The following P2RX1 variants were observed in gnomAD, a reference collection of about 807,000 sequenced individuals.
P2RX1 encodes the protein purinergic receptor P2X 1, also known as P2X purinoceptor 1.
In P2RX1, 42 loss-of-function variants were observed where a neutral mutation model predicts 50.3. The observed-to-expected ratio is 0.83, with a 90% CI of 0.65 to 1.08. The LOEUF is 1.08. P2RX1 is among the 50% of genes least tolerant of loss of function. P2RX1 has a pLI of 0.00. For synonymous variants in P2RX1, 199 were observed against 202.6 expected (o/e 0.98, Z 0.15); for missense variants, 449 against 529.0 (o/e 0.85, Z 1.48).
In P2RX1 at chr17:3,905,718, G is replaced by A. The variant is rs187547410; in HGVS notation, c.138-351C>T. ...AAAAATTAGCTTGGCATGGTGGTGG[G>A]TGCCTGTAATCCCAGCTACCTGGGA... On this transcript the variant is annotated intron_variant, in intron 1 of 11. Transcript: ENST00000225538. Among the ~76,000 whole-genome samples, 15 of 152,108 alleles carry A rather than the reference G, an allele frequency of 9.9e-5. 1 individual carries two copies. Among genetic ancestry groups the A allele is most frequent in the African/African-American group, 3.6e-4 (15 of 41,504 alleles).
intron 7 of P2RX1, among the ~76,000 whole-genome samples, chr17:3,902,642 C>T (rs941312472): frequency 6.7e-6 from 1 of 150,110 alleles, no homozygotes; most frequent in African/African-American, 2.5e-5. Flanking sequence ...GAATCTTGCT[C>T]CATTGCCCAG....
In P2RX1 at chr17:3,898,020, C is replaced by G. The variant is rs374004316; in HGVS notation, c.1123G>C (p.Gly375Arg). 5.3e-5 allele frequency: 85 copies of G among 1,613,636 alleles called. No homozygotes were observed. Among genetic ancestry groups the G allele is most frequent in the Non-Finnish European group, 6.8e-5 (80 of 1,179,868 alleles). ...QKKFKYAEDM[G>R]PGAAERDLAA... ...GGGGGTTCTCTTACCGCCCCTGGCC[C>G]CATGTCCTCAGCGTATTTGAACTTC... is the stretch of plus-strand genomic sequence containing the variant. Residue 375 changes from glycine to arginine, a missense_variant, in exon 11 of 12, where the codon GGG (glycine) becomes CGG (arginine). Physicochemically the swap from Gly to Arg is moderately radical, Grantham distance 125. Transcript: ENST00000225538.
intron 1 of P2RX1, among the ~76,000 whole-genome samples, chr17:3,907,202 C>T (rs1349555944): frequency 1.3e-5 from 2 of 152,012 alleles, no homozygotes; most frequent in African/African-American, 2.4e-5. Context: ...GTTTCTGTTG[C>T]TTGCAAATGA....
At chr17:3,902,420 A>C (rs142398364) in intron 7 of P2RX1, among the ~76,000 whole-genome samples, 1 of 151,702 alleles carries the variant, frequency 6.6e-6, no homozygotes, top group East Asian at 1.9e-4. Flanking sequence ...CAGCCTCCCA[A>C]GTAGCTGGGA....
At chr17:3,912,627 G>A (rs914852805) in intron 1 of P2RX1, among the ~76,000 whole-genome samples, 2 of 152,086 alleles carry the variant, frequency 1.3e-5, no homozygotes, top group South Asian at 2.1e-4. Context: ...CAACGCACCC[G>A]GCCCACCCTT....
In P2RX1 at chr17:3,916,249, C is replaced by A; in HGVS notation, c.-24G>T. On this transcript the variant is annotated 5_prime_UTR_variant, in exon 1 of 12. Transcript: ENST00000225538. ...ATGGTGGGCCGGCTGGGGCTCAGAA[C>A]TGAGCCCCCTGCACGGCCTCTGCTC... 6.2e-7 allele frequency: 1 copy of A among 1,610,992 alleles called. No homozygotes were observed. Among genetic ancestry groups the A allele is most frequent in the Non-Finnish European group, 8.5e-7 (1 of 1,178,832 alleles).
intron 7 of P2RX1, among the ~76,000 whole-genome samples, chr17:3,902,925 G>GT (rs555049705): frequency 0.011 from 1,543 of 142,832 alleles, 12 homozygotes; most frequent in South Asian, 0.019. Context: ...CTTTTATCTA[G>GT]TTTTTTTTTT....
intron 1 of P2RX1, among the ~76,000 whole-genome samples, chr17:3,909,568 C>T (rs1167476540): frequency 1.3e-5 from 2 of 151,968 alleles, no homozygotes; most frequent in African/African-American, 2.4e-5. Flanking sequence ...AAACATGAGC[C>T]GGGTGTGGTG....
Position 3,896,624 on chromosome 17 carries a change from G to C in P2RX1, c.*1190C>G, listed in dbSNP as rs6502752. On this transcript the variant is annotated 3_prime_UTR_variant, in exon 12 of 12. Coordinates refer to ENST00000225538, the MANE Select transcript of P2RX1 (RefSeq NM_002558.4). ...TCATTCCCTTTATTGTACTCCACCC[G>C]TCGCTTCCCCCAGACCTTCTGTTCA... is the stretch of plus-strand genomic sequence containing the variant. 0.82 allele frequency: 124,860 copies of C among 152,298 alleles called. 51,678 individuals carry two copies. Among genetic ancestry groups the C allele is most frequent in the African/African-American group, 0.94 (38,871 of 41,564 alleles). 9.4% of individuals were successfully genotyped at this position (152,298 alleles called of 1,614,324 possible). A position where few individuals can be genotyped will look rare whatever the true frequency, so the allele number is the denominator to read the frequency against.
Position 3,899,690 on chromosome 17 carries a change from G to T in P2RX1, c.819C>A (p.Ile273=). The change falls in exon 8 of 12, where the codon ATC becomes ATA. Residue 273 remains isoleucine (I), a synonymous_variant. Coordinates refer to ENST00000225538, the MANE Select transcript of P2RX1 (RefSeq NM_002558.4). ...CTTCGTACAGCCCATGGAACTCATAGATGGGTCTGCAGTGCCGTACGTGCC... is the reference window on the plus strand; with the variant it reads ...CTTCGTACAGCCCATGGAACTCATATATGGGTCTGCAGTGCCGTACGTGCC... ...LDWHVRHCRP[I]YEFHGLYEEK... The T allele has an allele frequency of 6.2e-7, 1 of 1,614,016 alleles. No homozygotes were observed. The highest frequency in any genetic ancestry group is 8.5e-7 in the Non-Finnish European group (1 of 1,179,908).
Position 3,916,258 on chromosome 17 carries a change from CT to C in P2RX1, c.-34del. 4 of 1,607,952 alleles carry C rather than the reference CT, an allele frequency of 2.5e-6. No individual in the cohort carries two copies. The highest frequency in any genetic ancestry group is 3.4e-6 in the Non-Finnish European group (4 of 1,177,028). ...CGGCTGGGGCTCAGAACTGAGCCCC[CT>C]GCACGGCCTCTGCTCTCAGGGTGAG... On this transcript the variant is annotated 5_prime_UTR_variant, in exon 1 of 12. Coordinates refer to ENST00000225538, the MANE Select transcript of P2RX1 (RefSeq NM_002558.4).
At position 3,898,939 on chromosome 17, in the gene P2RX1, C is replaced by A; in HGVS notation, c.961G>T (p.Gly321Cys). ...CCCTCACACTGGACACTCACCTTGC[C>A]GTCCACCAGGATGTCAAAGCGAATC... The part of the protein sequence containing the change: ...FGIRFDILVD[G>C]KAGKFDIIPT... Residue 321 changes from glycine to cysteine, a missense_variant, in exon 9 of 12, where the codon GGC (glycine) becomes TGC (cysteine). Coordinates refer to ENST00000225538, the MANE Select transcript of P2RX1 (RefSeq NM_002558.4). 1 of 1,612,880 alleles carries A rather than the reference C, an allele frequency of 6.2e-7. No homozygotes were observed. The highest frequency in any genetic ancestry group is 8.5e-7 in the Non-Finnish European group (1 of 1,179,008).
At chr17:3,907,813 C>G (rs1453314796) in intron 1 of P2RX1, among the ~76,000 whole-genome samples, 1 of 152,178 alleles carries the variant, frequency 6.6e-6, no homozygotes. Flanking sequence ...CACTGGCCTC[C>G]TTGGGCCCCT....
chr17:3,903,812 C>A lies in P2RX1; in HGVS notation c.524+116G>T. On this transcript the variant is annotated intron_variant, in intron 5 of 11. Transcript: ENST00000225538. This position sits in a 1 kb window ranked among gnomAD's most constrained non-coding sequence, Gnocchi z 4.6. The stretch of plus-strand genomic sequence containing the variant: ...CCAGGGGAATCTTCAGCCTAGGTTG[C>A]GCGGATGGGGTGAGGGTGGGGTCAG... 1.8e-6 allele frequency: 2 copies of A among 1,103,208 alleles called. No individual in the cohort carries two copies. The highest frequency in any genetic ancestry group is 3.7e-5 in the Admixed American group (2 of 53,404). The allele number at this position is 1,103,208 out of a possible 1,614,324, so 68.3% of individuals were successfully genotyped here. A position where few individuals can be genotyped will look rare whatever the true frequency, so the allele number is the denominator to read the frequency against.
chr17:3,904,870 GC>G lies in P2RX1; in HGVS notation c.344del (p.Gly115AlafsTer42). The part of the protein sequence containing the change: ...NFIVTPKQTQ[G>X]YCAEHPEGGI... ...CAGAAGTCCTCACCTCTGCGCAGTA[GC>G]CTTGAGTCTGCTTCGGGGTCACGAT... On this transcript the variant is annotated frameshift_variant, in exon 3 of 12. Coordinates refer to ENST00000225538, the MANE Select transcript of P2RX1 (RefSeq NM_002558.4). LOFTEE classifies it high-confidence loss of function. 2 of 1,593,280 alleles carry G rather than the reference GC, an allele frequency of 1.3e-6. No individual in the cohort carries two copies. The highest frequency in any genetic ancestry group is 1.7e-6 in the Non-Finnish European group (2 of 1,171,244).
Position 3,914,544 on chromosome 17 carries a change from C to T in P2RX1, c.137+1545G>A, listed in dbSNP as rs959184371. Among the ~76,000 whole-genome samples, 1 of 152,118 alleles carries T rather than the reference C, an allele frequency of 6.6e-6. No homozygotes were observed. The highest frequency in any genetic ancestry group is 6.5e-5 in the Admixed American group (1 of 15,278). On this transcript the variant is annotated intron_variant, in intron 1 of 11. Coordinates refer to ENST00000225538, the MANE Select transcript of P2RX1 (RefSeq NM_002558.4). The surrounding 1 kb of genome is among the most constrained non-coding windows in gnomAD (Gnocchi z 4.1). ...GGGAGCCGCAGGGGCAGAGAGAGGA[C>T]AGCCTTCCCCCAGCCTCTTCCAGCA...
At chr17:3,911,455 C>A (rs2056361954) in intron 1 of P2RX1, among the ~76,000 whole-genome samples, 1 of 152,226 alleles carries the variant, frequency 6.6e-6, no homozygotes, top group Non-Finnish European at 1.5e-5. Flanking sequence ...AGAAGCTGAG[C>A]AGGGGCCGCC....
In P2RX1 at chr17:3,903,647, C is replaced by G. The variant is rs563667749; in HGVS notation, c.525-16G>C. ...AAGGGCAGGGCTGGAGGACACCACA[C>G]GCACTCACCGCCCCTCCCCAGGAGG... On this transcript the variant is annotated splice_polypyrimidine_tract_variant and intron_variant, in intron 5 of 11. Coordinates refer to ENST00000225538, the MANE Select transcript of P2RX1 (RefSeq NM_002558.4). The surrounding 1 kb of genome is among the most constrained non-coding windows in gnomAD (Gnocchi z 4.6). 3.1e-6 allele frequency: 5 copies of G among 1,612,444 alleles called. No homozygotes were observed. Among genetic ancestry groups the G allele is most frequent in the South Asian group, 1.1e-5 (1 of 91,068 alleles).
At chr17:3,899,826 C>T (rs138383705) in intron 7 of P2RX1, 65 bp from the exon 8 acceptor site, 65 of 1,588,176 alleles carry the variant, frequency 4.1e-5, no homozygotes, top group African/African-American at 3.0e-4. Context: ...CTCAGCCGGG[C>T]GCAGTGGCTC....
Sources: allele counts gnomAD v4.1 joint callset (sites outside exome capture counted in the v4.1 genomes callset), GRCh38; gene constraint gnomAD v4.1.1; non-coding constraint Gnocchi (gnomAD v3.1); transcripts MANE v1.5; gene names NCBI Gene and HGNC (gene_info 2026-07-23, HGNC 2026-07-21).